The following NCAM2 variants were observed in gnomAD, a reference collection of about 807,000 sequenced individuals.
NCAM2 encodes the protein N-CAM-2.
NCAM2 carries 30 observed loss-of-function variants against 98.1 expected under a neutral mutation model. The ratio of observed to expected loss-of-function variants is 0.31; its 90% CI spans 0.23 to 0.41. The LOEUF is 0.41. Ranked by LOEUF, NCAM2 falls within the 10% of genes least tolerant of loss-of-function variation. The probability of loss-of-function intolerance (pLI) is 1.00; values close to 1 mark genes in which losing one functional copy is unlikely to be tolerated. For synonymous variants in NCAM2, 368 were observed against 342.4 expected (o/e 1.07, Z -0.83); for missense variants, 867 against 1,005.8 (o/e 0.86, Z 1.87).
At chr21:21,262,449 G>A (rs1285057524) in intron 1 of NCAM2, among the ~76,000 whole-genome samples, 1 of 151,948 alleles carries the variant, frequency 6.6e-6, no homozygotes, top group African/African-American at 2.4e-5. Flanking sequence ...GAATATAGAT[G>A]CAAAAATATT....
At chr21:21,408,943 T>C (rs367886243) in intron 9 of NCAM2, among the ~76,000 whole-genome samples, 1 of 119,150 alleles carries the variant, frequency 8.4e-6, no homozygotes, top group Non-Finnish European at 2.1e-5. Flanking sequence ...TTTATATAAT[T>C]AGTAGATATA....
At chr21:21,454,100 A>G (rs1263881055) in intron 12 of NCAM2, among the ~76,000 whole-genome samples, 3 of 151,860 alleles carry the variant, frequency 2.0e-5, no homozygotes, top group Admixed American at 6.6e-5. Flanking sequence ...CCTTTTCTAA[A>G]TATATATATA....
chr21:21,532,421 C>T (rs1989756819), intron 16 of NCAM2, among the ~76,000 whole-genome samples: 2 of 151,918 alleles, frequency 1.3e-5, no homozygotes, highest in Admixed American at 1.3e-4. Flanking sequence ...AAAAAGGTCA[C>T]CAAAAACAAA....
chr21:21,118,055 C>G (rs2066599124), intron 1 of NCAM2, among the ~76,000 whole-genome samples: 1 of 152,094 alleles, frequency 6.6e-6, no homozygotes, highest in African/African-American at 2.4e-5. Flanking sequence ...TTGGTGAATG[C>G]TAAATTGAAG....
intron 1 of NCAM2, among the ~76,000 whole-genome samples, chr21:21,015,951 G>GC (rs1233765144): frequency 6.6e-6 from 1 of 151,770 alleles, no homozygotes; most frequent in Non-Finnish European, 1.5e-5. Flanking sequence ...CAGGTAATCC[G>GC]CCCACTTCGG....
At chr21:21,000,315 T>A (rs1237944894) in intron 1 of NCAM2, among the ~76,000 whole-genome samples, 1 of 152,070 alleles carries the variant, frequency 6.6e-6, no homozygotes, top group Non-Finnish European at 1.5e-5. Flanking sequence ...GGGAGCATAA[T>A]AGGAAACAAG....
chr21:21,063,491 G>C (rs752396650), intron 1 of NCAM2, among the ~76,000 whole-genome samples: 1 of 151,880 alleles, frequency 6.6e-6, no homozygotes, highest in Non-Finnish European at 1.5e-5. Context: ...AAAGTGCTGG[G>C]ATTACAGGCA....
intron 8 of NCAM2, among the ~76,000 whole-genome samples, chr21:21,346,100 C>T (rs1450658398): frequency 6.6e-6 from 1 of 150,974 alleles, no homozygotes; most frequent in Non-Finnish European, 1.5e-5. Flanking sequence ...CATAGACTGG[C>T]TGAATGGATA....
chr21:21,358,006 A>G (rs2075541243), intron 8 of NCAM2, among the ~76,000 whole-genome samples: 1 of 152,168 alleles, frequency 6.6e-6, no homozygotes, highest in Non-Finnish European at 1.5e-5. Flanking sequence ...TGTAATTACG[A>G]AAACGCATAG....
At chr21:21,320,227 G>T (rs2074340042) in intron 5 of NCAM2, among the ~76,000 whole-genome samples, 1 of 152,146 alleles carries the variant, frequency 6.6e-6, no homozygotes, top group South Asian at 2.1e-4. Flanking sequence ...TAACAAGACG[G>T]ATATACCAAA....
intron 1 of NCAM2, among the ~76,000 whole-genome samples, chr21:21,105,010 G>A (rs936557593): frequency 2.6e-5 from 4 of 152,042 alleles, no homozygotes; most frequent in Non-Finnish European, 5.9e-5. Context: ...TCTCAAACAA[G>A]TCTTCAGAGG....
At chr21:21,239,793 A>C (rs1568818046) in intron 1 of NCAM2, among the ~76,000 whole-genome samples, 1 of 152,176 alleles carries the variant, frequency 6.6e-6, no homozygotes, top group Non-Finnish European at 1.5e-5. Flanking sequence ...TATATAAAAT[A>C]TATACACCTT....
chr21:21,104,755 T>TTGGGTAG (rs1354413875), intron 1 of NCAM2, among the ~76,000 whole-genome samples: 1 of 152,168 alleles, frequency 6.6e-6, no homozygotes, highest in African/African-American at 2.4e-5. Flanking sequence ...TAGTCTGTTC[T>TTGGGTAG]TTCATTGTAC....
chr21:21,193,746 G>A (rs539559722), intron 1 of NCAM2, among the ~76,000 whole-genome samples: 1 of 151,966 alleles, frequency 6.6e-6, no homozygotes, highest in East Asian at 1.9e-4. Context: ...CGCCCACCTC[G>A]GCCTCCCAAA....
chr21:21,178,806 A>G (rs187415833), intron 1 of NCAM2, among the ~76,000 whole-genome samples: 242 of 152,156 alleles, frequency 1.6e-3, no homozygotes, highest in Non-Finnish European at 2.4e-3. Flanking sequence ...TTTCTAAAAA[A>G]TGATTACTAT....
rs144665729 is a variant in NCAM2, at chr21:21,085,440, G to A, written c.55+86822G>A. 2.6e-3 allele frequency among the ~76,000 whole-genome samples: 399 copies of A among 152,070 alleles called. 1 individual carries two copies. The highest frequency in any genetic ancestry group is 9.3e-3 in the African/African-American group (388 of 41,506). ...TGGCTGGGTTCCTCAGCTTACACTG[G>A]CCTCTTATATTTCAGTTCCAGCCAT... On this transcript the variant is annotated intron_variant, in intron 1 of 17. Coordinates refer to ENST00000400546, the MANE Select transcript of NCAM2 (RefSeq NM_004540.5).
At chr21:21,069,909 T>A (rs2065523418) in intron 1 of NCAM2, among the ~76,000 whole-genome samples, 1 of 152,162 alleles carries the variant, frequency 6.6e-6, no homozygotes. Context: ...TTTTTAATAG[T>A]GTCCTGTACT....
chr21:21,352,804 A>T (rs2075377285), intron 8 of NCAM2, among the ~76,000 whole-genome samples: 1 of 122,386 alleles, frequency 8.2e-6, no homozygotes, highest in Admixed American at 8.4e-5. Context: ...CTTAAAGTAT[A>T]AAAAAAAAAA....
chr21:21,023,019 ATG>A (rs2064467899), intron 1 of NCAM2, among the ~76,000 whole-genome samples: 1 of 152,348 alleles, frequency 6.6e-6, no homozygotes, highest in African/African-American at 2.4e-5. Flanking sequence ...AAATACATAT[ATG>A]GTCATAGTCT....
Sources: gnomAD v4.1 joint callset for allele counts (sites outside exome capture counted in the v4.1 genomes callset) on GRCh38, gnomAD v4.1.1 for gene constraint, MANE v1.5 for transcripts, NCBI Gene and HGNC (gene_info 2026-07-23, HGNC 2026-07-21) for gene names.